NTRK2: variants seen among roughly 807,000 people sequenced by gnomAD.
NTRK2 encodes neurotrophic receptor tyrosine kinase 2, also known as BDNF/NT-3 growth factors receptor.
NTRK2 carries 13 observed loss-of-function variants against 94.5 expected under a neutral mutation model. The observed-to-expected ratio is 0.14, with a 90% confidence interval of 0.09 to 0.22. The LOEUF (loss-of-function observed/expected upper bound fraction) is 0.22, where lower values mean the gene tolerates loss of function less well. Among genes scored for constraint, NTRK2 ranks in the 10% least tolerant of loss-of-function variants. The probability of loss-of-function intolerance (pLI) is 1.00; values close to 1 mark genes in which losing one functional copy is unlikely to be tolerated. For missense variants in NTRK2, 639 were observed against 1,071.2 expected (o/e 0.60, Z 5.63); for synonymous variants, 372 against 407.4 (o/e 0.91, Z 1.05).
At chr9:84,900,856 C>A (rs1195452502) in intron 14 of NTRK2, among the ~76,000 whole-genome samples, 1 of 152,110 alleles carries the variant, frequency 6.6e-6, no homozygotes, top group Non-Finnish European at 1.5e-5. Flanking sequence ...AACAGCTAAA[C>A]CCATCTATCA....
At chr9:84,829,291 G>T (rs1471982021) in intron 12 of NTRK2, among the ~76,000 whole-genome samples, 4 of 152,132 alleles carry the variant, frequency 2.6e-5, no homozygotes, top group African/African-American at 9.7e-5. Flanking sequence ...AAGCCACAGC[G>T]CCTGGCCCAG....
intron 12 of NTRK2, chr9:84,812,764 G>T: frequency 9.6e-7 from 1 of 1,038,806 alleles, no homozygotes; most frequent in Non-Finnish European, 1.2e-6. Context: ...ACCCAAAAAG[G>T]AAAAATAAAA....
chr9:84,895,413 A>T (rs2076728658), intron 14 of NTRK2, among the ~76,000 whole-genome samples: 1 of 152,074 alleles, frequency 6.6e-6, no homozygotes, highest in South Asian at 2.1e-4. Flanking sequence ...CTTCTCCTAT[A>T]CTTCATCCCG....
At chr9:84,986,700 A>G (rs750540045) in intron 17 of NTRK2, among the ~76,000 whole-genome samples, 9 of 151,994 alleles carry the variant, frequency 5.9e-5, no homozygotes, top group Non-Finnish European at 1.0e-4. Context: ...TGTTTCCTTT[A>G]GATATAGTGA....
chr9:84,933,241 C>T (rs947560279), intron 14 of NTRK2, among the ~76,000 whole-genome samples: 2 of 152,196 alleles, frequency 1.3e-5, no homozygotes, highest in African/African-American at 4.8e-5. Flanking sequence ...CAACATTTAA[C>T]GTGCTGAGTG....
In NTRK2 at chr9:85,022,744, T is replaced by C. The variant is rs200686365; in HGVS notation, c.*1307T>C. 1.5e-4 allele frequency: 36 copies of C among 233,120 alleles called. No individual in the cohort carries two copies. Among genetic ancestry groups the C allele is most frequent in the Non-Finnish European group, 1.7e-5 (2 of 118,054 alleles). The allele number at this position is 233,120 out of a possible 1,614,324, so 14.4% of individuals were successfully genotyped here. A position where few individuals can be genotyped will look rare whatever the true frequency, so the allele number is the denominator to read the frequency against. ...TATGACTTATACAATTAGGGGAAGC[T>C]AATGGAGTTTATTAGCTGAGTATCA... is the stretch of plus-strand genomic sequence containing the variant. On this transcript the variant is annotated 3_prime_UTR_variant, in exon 19 of 19. Transcript: ENST00000277120.
At chr9:84,860,942 G>T in intron 12 of NTRK2, 98 bp from the exon 13 acceptor site, 3 of 589,694 alleles carry the variant, frequency 5.1e-6, no homozygotes, top group Non-Finnish European at 9.0e-6. Context: ...TTTTTGTCGG[G>T]GGGAGTTTGT....
intron 14 of NTRK2, among the ~76,000 whole-genome samples, chr9:84,931,437 AG>A: frequency 6.6e-6 from 1 of 152,120 alleles, no homozygotes; most frequent in South Asian, 2.1e-4. Flanking sequence ...AGAGAGAGAG[AG>A]AAATTTATTC....
At chr9:84,682,017 C>T (rs2059419254) in intron 2 of NTRK2, among the ~76,000 whole-genome samples, 1 of 152,190 alleles carries the variant, frequency 6.6e-6, no homozygotes, top group Admixed American at 6.5e-5. Flanking sequence ...TTTAATTTTG[C>T]ATTTAAAATG....
intron 12 of NTRK2, chr9:84,811,424 T>G (rs2071773765): frequency 9.4e-7 from 1 of 1,065,928 alleles, no homozygotes; most frequent in Non-Finnish European, 1.1e-6. Flanking sequence ...GAGTGGAATA[T>G]ATGCATATGG....
chr9:84,882,765 C>G (rs1350202967), intron 14 of NTRK2, among the ~76,000 whole-genome samples: 1 of 151,690 alleles, frequency 6.6e-6, no homozygotes, highest in Non-Finnish European at 1.5e-5. Flanking sequence ...GAAATACTTT[C>G]TTTTATTTAT....
At chr9:84,775,969 C>T (rs1353142004) in intron 12 of NTRK2, among the ~76,000 whole-genome samples, 1 of 152,106 alleles carries the variant, frequency 6.6e-6, no homozygotes, top group African/African-American at 2.4e-5. Flanking sequence ...TGTTCATGCC[C>T]ATTTTTCCCA....
chr9:84,945,277 T>G (rs2078560319), intron 15 of NTRK2, among the ~76,000 whole-genome samples: 1 of 152,174 alleles, frequency 6.6e-6, no homozygotes, highest in Non-Finnish European at 1.5e-5. Context: ...TTTCACAAAC[T>G]TCGTGTATCA....
intron 14 of NTRK2, among the ~76,000 whole-genome samples, chr9:84,930,681 C>A (rs1171184315): frequency 6.6e-6 from 1 of 152,072 alleles, no homozygotes; most frequent in Non-Finnish European, 1.5e-5. Flanking sequence ...TCAGAGTACA[C>A]CGTGGAGGGG....
chr9:84,810,776 A>G, intron 12 of NTRK2: 1 of 1,431,226 alleles, frequency 7.0e-7, no homozygotes, highest in Non-Finnish European at 9.1e-7. Context: ...ATTGGGGAAC[A>G]CCAATGCAGA....
intron 17 of NTRK2, among the ~76,000 whole-genome samples, chr9:84,977,334 A>G (rs1167761854): frequency 1.3e-5 from 2 of 152,220 alleles, no homozygotes; most frequent in African/African-American, 2.4e-5. Flanking sequence ...ACAGAACTTT[A>G]GTGCTAAGTT....
At chr9:84,822,593 C>A (rs1479747254) in intron 12 of NTRK2, among the ~76,000 whole-genome samples, 1 of 152,106 alleles carries the variant, frequency 6.6e-6, no homozygotes, top group East Asian at 1.9e-4. Context: ...GACTGCAATG[C>A]AAGCAGGACT....
chr9:85,017,224 C>G (rs1293425086), intron 17 of NTRK2, among the ~76,000 whole-genome samples: 1 of 152,142 alleles, frequency 6.6e-6, no homozygotes, highest in Non-Finnish European at 1.5e-5. Context: ...GAAAGCCACA[C>G]CTCAAAAGCA....
intron 12 of NTRK2, among the ~76,000 whole-genome samples, chr9:84,836,983 AAT>A (rs1206045613): frequency 7.1e-6 from 1 of 140,002 alleles, no homozygotes; most frequent in African/African-American, 2.6e-5. Context: ...AATATAATAT[AAT>A]AATACTGGAA....
Sources: allele counts gnomAD v4.1 joint callset (sites outside exome capture counted in the v4.1 genomes callset), GRCh38; gene constraint gnomAD v4.1.1; transcripts MANE v1.5; gene names NCBI Gene and HGNC (gene_info 2026-07-23, HGNC 2026-07-21).